Variants in PROS1 observed in about 807,000 individuals in gnomAD.
The protein encoded by PROS1 is protein S, also known as vitamin K-dependent protein S.
Under a neutral mutation model 75.9 loss-of-function variants are expected in PROS1, and 29 were observed. The observed-to-expected ratio is 0.38, with a 90% CI of 0.28 to 0.52. PROS1 has a LOEUF of 0.52. Among genes scored for constraint, PROS1 ranks in the 20% least tolerant of loss-of-function variants. The pLI is 0.83. For synonymous variants in PROS1, 245 were observed against 280.6 expected (o/e 0.87, Z 1.27); for missense variants, 680 against 810.3 (o/e 0.84, Z 1.95).
rs768960007 is a variant in PROS1 at position 93,876,990 on chromosome 3, C to T, written c.1846G>A (p.Ala616Thr). Residue 616 changes from alanine (A) to threonine (T), a missense_variant, in exon 14 of 15, where the codon GCC becomes ACC. By Grantham distance (58) the Ala-to-Thr change is moderately conservative (BLOSUM62 0). Transcript: ENST00000394236. ...CCTGGAAGGCCACCCAGGTATGTGG[C>T]CACTTTTGCTTTCATTGCTTTGTCC... Reference protein sequence around the residue: ...VLDKAMKAKVATYLGGLPDVP... With the variant: ...VLDKAMKAKVTTYLGGLPDVP... 2 of 1,611,006 alleles carry T rather than the reference C, an allele frequency of 1.2e-6. No homozygotes were observed. The highest frequency in any genetic ancestry group is 1.3e-5 in the African/African-American group (1 of 74,970).
intron 9 of PROS1, among the ~76,000 whole-genome samples, chr3:93,895,864 C>A (rs1708494986): frequency 6.6e-6 from 1 of 152,106 alleles, no homozygotes; most frequent in Admixed American, 6.6e-5. Context: ...ACTCAGAAGG[C>A]TGAAGCAGGA....
At chr3:93,900,714 G>A (rs757195901) in intron 7 of PROS1, 90 bp downstream of exon 7, 36 of 1,534,532 alleles carry the variant, frequency 2.3e-5, no homozygotes, top group Admixed American at 1.2e-4. Context: ...TATGACTGTT[G>A]ATGTCAAACA....
Position 93,874,273 on chromosome 3 carries a change from G to A in PROS1, c.2003C>T (p.Ser668Leu), listed in dbSNP as rs886058926. The change falls in exon 15 of 15, where the codon TCA becomes TTA. Residue 668 changes from serine (S) to leucine (L), a missense_variant. Transcript: ENST00000394236. ...AGAATTCTTTGTCTTTTTCCAAACT[G>A]ATGGACATGAGTGAGCTCTAATATC... is the stretch of plus-strand genomic sequence containing the variant. ...HNDIRAHSCPSVWKKTKNS is the reference protein window; with the variant it reads ...HNDIRAHSCPLVWKKTKNS 6.2e-7 allele frequency: 1 copy of A among 1,613,440 alleles called. No individual in the cohort carries two copies.
intron 7 of PROS1, among the ~76,000 whole-genome samples, chr3:93,898,801 T>G (rs998874303): frequency 5.9e-5 from 9 of 151,988 alleles, no homozygotes; most frequent in African/African-American, 2.2e-4. Flanking sequence ...AATTTATAAC[T>G]TTCAGTGATT....
intron 10 of PROS1, among the ~76,000 whole-genome samples, chr3:93,888,769 C>T (rs1708386404): frequency 6.6e-6 from 1 of 152,188 alleles, no homozygotes; most frequent in African/African-American, 2.4e-5. Flanking sequence ...ATCCCCATAT[C>T]CTGTTATACA....
intron 12 of PROS1, among the ~76,000 whole-genome samples, chr3:93,882,824 C>T (rs1267576937): frequency 6.6e-6 from 1 of 152,084 alleles, no homozygotes; most frequent in African/African-American, 2.4e-5. Context: ...GAAAGCAGCA[C>T]CAGCTACAGG....
chr3:93,946,080 T>A (rs1302643426), intron 1 of PROS1, among the ~76,000 whole-genome samples: 2 of 152,122 alleles, frequency 1.3e-5, no homozygotes, highest in Non-Finnish European at 2.9e-5. Flanking sequence ...ATAAAATACC[T>A]AGGAATCCAA....
At chr3:93,937,079 A>G (rs1336367124) in intron 1 of PROS1, among the ~76,000 whole-genome samples, 1 of 152,164 alleles carries the variant, frequency 6.6e-6, no homozygotes, top group Non-Finnish European at 1.5e-5. Context: ...AAAACCTCTC[A>G]GACACCGAGT....
intron 2 of PROS1, 112 bp downstream of exon 2, chr3:93,927,138 T>C: frequency 7.3e-7 from 1 of 1,367,422 alleles, no homozygotes; most frequent in Non-Finnish European, 1.0e-6. Flanking sequence ...TGGAAGGTGA[T>C]ACACAGAATT....
At chr3:93,952,519 T>G (rs1489042062) in intron 1 of PROS1, among the ~76,000 whole-genome samples, 2 of 152,166 alleles carry the variant, frequency 1.3e-5, no homozygotes, top group Non-Finnish European at 2.9e-5. Context: ...AAAGATGTTC[T>G]TTGAAACCAA....
intron 3 of PROS1, among the ~76,000 whole-genome samples, chr3:93,914,493 G>A (rs1356303580): frequency 6.6e-6 from 1 of 152,170 alleles, no homozygotes; most frequent in Admixed American, 6.5e-5. Context: ...AATTCAAGCA[G>A]CAGAGTCCCT....
intron 1 of PROS1, among the ~76,000 whole-genome samples, chr3:93,971,746 A>G (rs2107276021): frequency 6.6e-6 from 1 of 151,438 alleles, no homozygotes; most frequent in African/African-American, 2.4e-5. Context: ...GGAGGTTGCC[A>G]TGAGCTATGA....
intron 10 of PROS1, among the ~76,000 whole-genome samples, chr3:93,888,946 T>C (rs1009543820): frequency 2.0e-5 from 3 of 152,212 alleles, no homozygotes; most frequent in African/African-American, 7.2e-5. Context: ...GATCTTATTC[T>C]AGACCACGTT....
intron 1 of PROS1, among the ~76,000 whole-genome samples, chr3:93,943,019 G>T (rs1349700483): frequency 6.6e-6 from 1 of 152,148 alleles, no homozygotes; most frequent in African/African-American, 2.4e-5. Flanking sequence ...GTCCACTGCG[G>T]TCATTTCTTC....
intron 1 of PROS1, among the ~76,000 whole-genome samples, chr3:93,966,990 T>A (rs1709801414): frequency 6.6e-6 from 1 of 152,078 alleles, no homozygotes; most frequent in Non-Finnish European, 1.5e-5. Context: ...AACACAGAAG[T>A]TTATAGGCCA....
intron 3 of PROS1, among the ~76,000 whole-genome samples, chr3:93,916,673 C>A (rs532867652): frequency 7.2e-5 from 11 of 152,012 alleles, no homozygotes; most frequent in Non-Finnish European, 8.8e-5. Context: ...TAAACTGATG[C>A]GGAAGCTCCC....
At chr3:93,928,626 T>C (rs1486291272) in intron 1 of PROS1, 5 of 525,940 alleles carry the variant, frequency 9.5e-6, no homozygotes, top group African/African-American at 4.1e-5. Flanking sequence ...TCTGTGGAGA[T>C]TGTTGTTGAA....
chr3:93,953,868 C>T (rs1361562302), intron 1 of PROS1, among the ~76,000 whole-genome samples: 1 of 152,152 alleles, frequency 6.6e-6, no homozygotes, highest in African/African-American at 2.4e-5. Context: ...TGATAAGCAA[C>T]TTCAGCAAAG....
intron 1 of PROS1, among the ~76,000 whole-genome samples, chr3:93,955,926 G>C (rs552509473): frequency 6.6e-6 from 1 of 152,212 alleles, no homozygotes; most frequent in East Asian, 1.9e-4. Flanking sequence ...TTGCTTAACA[G>C]AACTGACCAT....
Sources: allele counts gnomAD v4.1 joint callset (sites outside exome capture counted in the v4.1 genomes callset), GRCh38; gene constraint gnomAD v4.1.1; transcripts MANE v1.5; gene names NCBI Gene and HGNC (gene_info 2026-07-23, HGNC 2026-07-21).